Variants in FTCDNL1 observed in about 807,000 individuals in gnomAD.
FTCDNL1 encodes formiminotransferase cyclodeaminase N-terminal like, also known as formiminotransferase N-terminal subdomain-containing protein.
Under a neutral mutation model 5.9 loss-of-function variants are expected in FTCDNL1, and 11 were observed. The observed-to-expected ratio is 1.87, with a 90% CI of 1.18 to 3.10. The LOEUF is 3.10. Among genes scored for constraint, FTCDNL1 ranks in the 30% most tolerant of loss-of-function variants. FTCDNL1 has a pLI of 0.00. For missense variants in FTCDNL1, 115 were observed against 65.5 expected, an observed-to-expected ratio of 1.76 and a Z score of -2.61; for synonymous variants, 58 against 24.8, an observed-to-expected ratio of 2.34 and a Z score of -3.99.
chr2:199,840,141 T>G (rs1241717383), intron 3 of FTCDNL1, among the ~76,000 whole-genome samples: 1 of 152,184 alleles, frequency 6.6e-6, no homozygotes, highest in Non-Finnish European at 1.5e-5. Context: ...GATACTTCTT[T>G]AAGAAGATGG....
At chr2:199,719,928 T>A in the FTCDNL1 span, among the ~76,000 whole-genome samples, 105 of 152,334 alleles carry the variant, frequency 6.9e-4, no homozygotes, top group African/African-American at 2.2e-3. Flanking sequence ...GTGTCATCTA[T>A]GATTTCTTTC....
intron 3 of FTCDNL1, among the ~76,000 whole-genome samples, chr2:199,797,513 T>C (rs1700230984): frequency 6.6e-6 from 1 of 152,122 alleles, no homozygotes; most frequent in South Asian, 2.1e-4. Flanking sequence ...GATGTGGCCA[T>C]ATGGTGTGAA....
At chr2:199,839,748 A>C (rs2076531433) in intron 3 of FTCDNL1, among the ~76,000 whole-genome samples, 1 of 152,194 alleles carries the variant, frequency 6.6e-6, no homozygotes, top group Non-Finnish European at 1.5e-5. Context: ...CAGAAGTCTC[A>C]ATAGCAATGT....
chr2:199,702,051 T>C, the FTCDNL1 span, among the ~76,000 whole-genome samples: 2 of 151,632 alleles, frequency 1.3e-5, no homozygotes, highest in South Asian at 4.2e-4. Context: ...TAAAATAAAA[T>C]CATATAATAT....
chr2:199,730,970 A>G, the FTCDNL1 span, among the ~76,000 whole-genome samples: 1 of 152,234 alleles, frequency 6.6e-6, no homozygotes, highest in South Asian at 2.1e-4. Context: ...TAGACTGGAT[A>G]AAGAAAATGT....
At chr2:199,737,932 G>A in the FTCDNL1 span, among the ~76,000 whole-genome samples, 8 of 152,166 alleles carry the variant, frequency 5.3e-5, no homozygotes, top group Non-Finnish European at 8.8e-5. Context: ...GAGACATAAG[G>A]TTCCCTGTTT....
intron 3 of FTCDNL1, among the ~76,000 whole-genome samples, chr2:199,770,286 AC>A (rs146698594): frequency 6.6e-6 from 1 of 152,350 alleles, no homozygotes; most frequent in African/African-American, 2.4e-5. Flanking sequence ...TCACAGGATC[AC>A]AGGTAAGTCG....
At chr2:199,679,689 A>T in the FTCDNL1 span, among the ~76,000 whole-genome samples, 3 of 151,848 alleles carry the variant, frequency 2.0e-5, no homozygotes, top group Non-Finnish European at 4.4e-5. Context: ...GTGAACCTAC[A>T]TTTCATAAAA....
At chr2:199,759,569 C>G (rs976090707), downstream of FTCDNL1, among the ~76,000 whole-genome samples, 2 of 152,070 alleles carry the variant, frequency 1.3e-5, no homozygotes, top group Non-Finnish European at 2.9e-5. Context: ...AATCAGGTCA[C>G]TTAATAAACC....
the FTCDNL1 span, among the ~76,000 whole-genome samples, chr2:199,724,951 T>C: frequency 6.6e-6 from 1 of 151,894 alleles, no homozygotes; most frequent in Non-Finnish European, 1.5e-5. Flanking sequence ...AAAATTTTTT[T>C]TCTTGATGAT....
At chr2:199,776,846 T>TAC (rs1386789315) in intron 3 of FTCDNL1, among the ~76,000 whole-genome samples, 4 of 151,826 alleles carry the variant, frequency 2.6e-5, no homozygotes, top group African/African-American at 9.6e-5. Context: ...TCCCTATATA[T>TAC]ACACACACAC....
the FTCDNL1 span, among the ~76,000 whole-genome samples, chr2:199,718,143 G>C: frequency 6.6e-6 from 1 of 152,000 alleles, no homozygotes; most frequent in East Asian, 1.9e-4. Context: ...GTAAAGTCTG[G>C]GTTTCTAGTG....
At chr2:199,755,524 T>C in the FTCDNL1 span, among the ~76,000 whole-genome samples, 1 of 152,206 alleles carries the variant, frequency 6.6e-6, no homozygotes, top group Admixed American at 6.5e-5. Context: ...TAAGCCTCAG[T>C]TTTCTAAATC....
rs1234040685 is a variant in FTCDNL1, at chr2:199,811,039, T to C, written c.*1666A>G. ...CCACATTTCATCTTTTTCCCACACA[T>C]GTACATAATGAAACATTTCAACTCC... On this transcript the variant is annotated 3_prime_UTR_variant, in exon 5 of 5. Coordinates refer to ENST00000420128, the MANE Select transcript of FTCDNL1 (RefSeq NM_001363886.2). Among the ~76,000 whole-genome samples, 4 of 152,172 alleles carry C rather than the reference T, an allele frequency of 2.6e-5. No individual in the cohort carries two copies. Among genetic ancestry groups the C allele is most frequent in the Non-Finnish European group, 5.9e-5 (4 of 68,032 alleles).
At chr2:199,715,521 G>A in the FTCDNL1 span, among the ~76,000 whole-genome samples, 8 of 152,208 alleles carry the variant, frequency 5.3e-5, no homozygotes, top group Admixed American at 5.2e-4. Context: ...TGCTGTGATT[G>A]TGAGGCCTTC....
At chr2:199,779,481 G>T (rs1157481072) in intron 3 of FTCDNL1, among the ~76,000 whole-genome samples, 1 of 152,174 alleles carries the variant, frequency 6.6e-6, no homozygotes, top group Non-Finnish European at 1.5e-5. Context: ...AGAGGATTCT[G>T]GGAACACAGT....
At chr2:199,708,776 C>T in the FTCDNL1 span, among the ~76,000 whole-genome samples, 1 of 152,176 alleles carries the variant, frequency 6.6e-6, no homozygotes, top group South Asian at 2.1e-4. Flanking sequence ...CATTCAGTTC[C>T]CTGTTTGGTC....
the FTCDNL1 span, among the ~76,000 whole-genome samples, chr2:199,719,161 T>C: frequency 2.0e-5 from 3 of 152,312 alleles, no homozygotes; most frequent in East Asian, 3.9e-4. Context: ...TCTAGTGTTT[T>C]TATAGTTTCA....
chr2:199,669,272 A>G, the FTCDNL1 span, among the ~76,000 whole-genome samples: 1 of 152,220 alleles, frequency 6.6e-6, no homozygotes, highest in African/African-American at 2.4e-5. Flanking sequence ...TATTTTAGAT[A>G]GGTCTTCAGC....
Sources: gnomAD v4.1 joint callset for allele counts (sites outside exome capture counted in the v4.1 genomes callset) on GRCh38, gnomAD v4.1.1 for gene constraint, MANE v1.5 for transcripts, NCBI Gene and HGNC (gene_info 2026-07-23, HGNC 2026-07-21) for gene names.